The following MDFIC2 variants were observed in gnomAD, a reference collection of about 807,000 sequenced individuals.
MDFIC2 encodes the protein myoD family inhibitor domain-containing protein 2.
intron 2 of MDFIC2, among the ~76,000 whole-genome samples, chr3:70,268,014 C>T (rs1701936887): frequency 6.6e-6 from 1 of 150,962 alleles, no homozygotes; most frequent in Admixed American, 6.6e-5. Flanking sequence ...CTCCTCCCCT[C>T]CTTCTCTTCC....
chr3:70,257,645 C>A (rs1701829154), intron 2 of MDFIC2, among the ~76,000 whole-genome samples: 1 of 152,144 alleles, frequency 6.6e-6, no homozygotes, highest in South Asian at 2.1e-4. Flanking sequence ...TGAAACATTG[C>A]TTAGAGAAGT....
intron 2 of MDFIC2, among the ~76,000 whole-genome samples, chr3:70,264,368 G>C (rs1204384510): frequency 6.6e-6 from 1 of 152,172 alleles, no homozygotes; most frequent in Non-Finnish European, 1.5e-5. Flanking sequence ...TCTTCTAAGA[G>C]TGGATTTATT....
chr3:70,310,907 C>G (rs1424785394), intron 2 of MDFIC2, among the ~76,000 whole-genome samples: 1 of 152,088 alleles, frequency 6.6e-6, no homozygotes, highest in Non-Finnish European at 1.5e-5. Context: ...TGGCACTTTC[C>G]AATTTTGTAA....
intron 2 of MDFIC2, among the ~76,000 whole-genome samples, chr3:70,207,775 G>C (rs1369035575): frequency 6.6e-6 from 1 of 151,988 alleles, no homozygotes; most frequent in African/African-American, 2.4e-5. Flanking sequence ...ATATGCATAG[G>C]TTATATGCAA....
chr3:70,198,375 C>G (rs775634723), intron 3 of MDFIC2, among the ~76,000 whole-genome samples: 1 of 152,078 alleles, frequency 6.6e-6, no homozygotes, highest in Non-Finnish European at 1.5e-5. Flanking sequence ...TATAAGTGCT[C>G]TTATCGCCGT....
intron 2 of MDFIC2, among the ~76,000 whole-genome samples, chr3:70,277,527 C>T (rs1005998989): frequency 1.3e-5 from 2 of 152,060 alleles, no homozygotes; most frequent in African/African-American, 4.8e-5. Flanking sequence ...ACGAACAGAC[C>T]GCTTTTATTG....
chr3:70,305,634 A>G (rs888460631), intron 2 of MDFIC2, among the ~76,000 whole-genome samples: 1 of 152,186 alleles, frequency 6.6e-6, no homozygotes, highest in Non-Finnish European at 1.5e-5. Flanking sequence ...GTTCAAGAGG[A>G]GCCACATCAA....
intron 2 of MDFIC2, among the ~76,000 whole-genome samples, chr3:70,282,184 A>C (rs1339344194): frequency 1.3e-5 from 2 of 152,138 alleles, no homozygotes; most frequent in African/African-American, 4.8e-5. Context: ...GGATGCAGTA[A>C]TCAAAAAACC....
Position 70,218,398 on chromosome 3 carries a change from G to T in MDFIC2, c.89-11608C>A, listed in dbSNP as rs1253668398. Among the ~76,000 whole-genome samples, 3 of 152,100 alleles carry T rather than the reference G, an allele frequency of 2.0e-5. No homozygotes were observed. In the East Asian group the frequency reaches 5.8e-4, roughly 29 times the overall value. ...ATTTTTCCCTTTTTTACTAGTAAAG[G>T]TTTATAAGCTTTACAGTAAAAAATC... On this transcript the variant is annotated intron_variant, in intron 2 of 3. Transcript: ENST00000567252.
chr3:70,303,836 C>T (rs1702374011), intron 2 of MDFIC2, among the ~76,000 whole-genome samples: 1 of 152,098 alleles, frequency 6.6e-6, no homozygotes, highest in South Asian at 2.1e-4. Flanking sequence ...CATGTGCCAC[C>T]ATGCCTGTGT....
chr3:70,229,736 C>T (rs1206410583), intron 2 of MDFIC2, among the ~76,000 whole-genome samples: 3 of 152,096 alleles, frequency 2.0e-5, no homozygotes, highest in Non-Finnish European at 4.4e-5. Context: ...CCTGAGTCAC[C>T]ACATGGTGGA....
chr3:70,307,455 C>T (rs1702413082), intron 2 of MDFIC2, among the ~76,000 whole-genome samples: 1 of 152,104 alleles, frequency 6.6e-6, no homozygotes, highest in East Asian at 1.9e-4. Flanking sequence ...ACCCAGAATG[C>T]TCCTTGGCTT....
intron 2 of MDFIC2, among the ~76,000 whole-genome samples, chr3:70,273,764 C>T (rs1369221292): frequency 6.6e-6 from 1 of 152,144 alleles, no homozygotes; most frequent in Non-Finnish European, 1.5e-5. Context: ...GTTTAGCAGT[C>T]AAATGTAGAA....
At position 70,268,065 on chromosome 3, in the gene MDFIC2, T is replaced by C. The variant is rs192739868; in HGVS notation, c.88+43821A>G. Among the ~76,000 whole-genome samples, 3 of 150,410 alleles carry C rather than the reference T, an allele frequency of 2.0e-5. No homozygotes were observed. In the East Asian group the frequency reaches 6.2e-4, roughly 31 times the overall value. ...TCCTCCTCCTCCTTCTTCTCCAATA[T>C]TTAAGGACTTCATTGTTTTTAGAGT... On this transcript the variant is annotated intron_variant, in intron 2 of 3. Coordinates refer to ENST00000567252, the MANE Select transcript of MDFIC2 (RefSeq NM_001364677.1).
At chr3:70,215,228 G>A (rs1235748431) in intron 2 of MDFIC2, among the ~76,000 whole-genome samples, 1 of 152,132 alleles carries the variant, frequency 6.6e-6, no homozygotes, top group Non-Finnish European at 1.5e-5. Context: ...TAGAGGGTCA[G>A]AGATTTTAGT....
chr3:70,216,519 T>C (rs576918982), intron 2 of MDFIC2, among the ~76,000 whole-genome samples: 1 of 152,080 alleles, frequency 6.6e-6, no homozygotes, highest in Non-Finnish European at 1.5e-5. Flanking sequence ...TAGTAAGTGA[T>C]GGAGCTAGAA....
At chr3:70,204,842 G>A (rs1701275485) in intron 3 of MDFIC2, 1 of 151,988 alleles carries the variant, frequency 6.6e-6, no homozygotes, top group Non-Finnish European at 1.5e-5. Flanking sequence ...TTTCACTGTG[G>A]ATATGTACAA....
chr3:70,248,077 T>C (rs1197349457), intron 2 of MDFIC2, among the ~76,000 whole-genome samples: 1 of 152,060 alleles, frequency 6.6e-6, no homozygotes, highest in Non-Finnish European at 1.5e-5. Flanking sequence ...CTAACATTTA[T>C]TGAGTATGTA....
chr3:70,213,615 T>G (rs1701372036), intron 2 of MDFIC2, among the ~76,000 whole-genome samples: 1 of 152,046 alleles, frequency 6.6e-6, no homozygotes, highest in African/African-American at 2.4e-5. Flanking sequence ...GTAAAAGGAG[T>G]TAATTGAAGT....
Sources: allele counts gnomAD v4.1 joint callset (sites outside exome capture counted in the v4.1 genomes callset), GRCh38; gene constraint gnomAD v4.1.1; transcripts MANE v1.5; gene names NCBI Gene and HGNC (gene_info 2026-07-23, HGNC 2026-07-21).